The following BANK1 variants were observed in gnomAD, a reference collection of about 807,000 sequenced individuals.
The protein encoded by BANK1 is B-cell scaffold protein with ankyrin repeats.
A neutral mutation model predicts 94.5 loss-of-function variants in BANK1; 95 were observed. The observed-to-expected ratio is 1.00, with a 90% CI of 0.85 to 1.19. The LOEUF is 1.19. Among genes scored for constraint, BANK1 ranks in the 50% most tolerant of loss-of-function variants. The pLI is 0.00. For missense variants in BANK1, 987 were observed against 932.2 expected (o/e 1.06, Z -0.77); for synonymous variants, 334 against 308.4 (o/e 1.08, Z -0.87).
intron 5 of BANK1, among the ~76,000 whole-genome samples, chr4:101,871,616 A>C (rs1025314657): frequency 2.6e-5 from 4 of 152,222 alleles, no homozygotes; most frequent in African/African-American, 9.6e-5. Context: ...AACATTTGTC[A>C]AAATGGAGAG....
At chr4:101,797,416 G>A (rs1278935559) in intron 1 of BANK1, among the ~76,000 whole-genome samples, 1 of 152,114 alleles carries the variant, frequency 6.6e-6, no homozygotes, top group Non-Finnish European at 1.5e-5. Context: ...TTTAATGAGG[G>A]ATGGCACATG....
At chr4:102,016,318 T>C (rs1726697322) in intron 7 of BANK1, among the ~76,000 whole-genome samples, 1 of 152,226 alleles carries the variant, frequency 6.6e-6, no homozygotes, top group African/African-American at 2.4e-5. Flanking sequence ...GAAACCTTCA[T>C]ATGTGGGTAT....
chr4:101,979,281 ATT>A (rs1274450240), intron 7 of BANK1, among the ~76,000 whole-genome samples: 1 of 151,970 alleles, frequency 6.6e-6, no homozygotes, highest in Non-Finnish European at 1.5e-5. Context: ...AGTGTTTAAA[ATT>A]GTATAACATT....
At chr4:101,945,381 G>T (rs764614715) in intron 7 of BANK1, among the ~76,000 whole-genome samples, 1 of 151,808 alleles carries the variant, frequency 6.6e-6, no homozygotes, top group Non-Finnish European at 1.5e-5. Context: ...TCCTTGCTAT[G>T]TTCCAGGAAA....
At chr4:101,933,984 C>T (rs1723444964) in intron 7 of BANK1, among the ~76,000 whole-genome samples, 1 of 151,434 alleles carries the variant, frequency 6.6e-6, no homozygotes, top group Non-Finnish European at 1.5e-5. Context: ...ACAAAAAACC[C>T]TGGTGTCTGA....
At chr4:101,895,526 A>G in intron 6 of BANK1, 116 bp downstream of exon 6, 1 of 612,338 alleles carries the variant, frequency 1.6e-6, no homozygotes, top group Non-Finnish European at 2.8e-6. Context: ...GAGATGATTT[A>G]GACAACTCCT....
chr4:101,929,988 A>G (rs1723289599), intron 7 of BANK1, among the ~76,000 whole-genome samples: 1 of 151,408 alleles, frequency 6.6e-6, no homozygotes, highest in Non-Finnish European at 1.5e-5. Context: ...ACATCTTCAT[A>G]ACACTTCTAA....
chr4:101,862,691 A>G lies in BANK1; in HGVS notation c.763+27A>G, dbSNP rs1387987040. 10 of 1,565,294 alleles carry G rather than the reference A, an allele frequency of 6.4e-6. No individual in the cohort carries two copies. The Admixed American group carries it at 8.0e-5, about 12-fold the overall frequency. On this transcript the variant is annotated intron_variant, in intron 4 of 16. Transcript: ENST00000322953. ...TAAGAATGTTTATGATTTAATAAGC[A>G]TAAAACATTATCCTGAGTTCCTTCC...
intron 7 of BANK1, among the ~76,000 whole-genome samples, chr4:101,984,721 C>T (rs1283095833): frequency 2.6e-5 from 4 of 151,958 alleles, no homozygotes; most frequent in African/African-American, 9.7e-5. Context: ...GGAATAAATG[C>T]CATCTTCATT....
At chr4:101,797,004 T>G (rs1362006900) in intron 1 of BANK1, among the ~76,000 whole-genome samples, 3 of 152,146 alleles carry the variant, frequency 2.0e-5, no homozygotes, top group African/African-American at 7.2e-5. Flanking sequence ...ATATACAATC[T>G]CAGTGGATTA....
At chr4:101,894,209 C>T (rs13109260) in intron 5 of BANK1, among the ~76,000 whole-genome samples, 1 of 151,940 alleles carries the variant, frequency 6.6e-6, no homozygotes, top group African/African-American at 2.4e-5. Flanking sequence ...GAAGGCAGAG[C>T]TTTTTGTCAC....
chr4:102,019,072 C>T (rs1726809556), intron 7 of BANK1, among the ~76,000 whole-genome samples: 1 of 151,890 alleles, frequency 6.6e-6, no homozygotes, highest in Non-Finnish European at 1.5e-5. Flanking sequence ...CCATGCCTGG[C>T]CTGCTCTGAT....
chr4:101,999,572 G>A (rs1725993243), intron 7 of BANK1, among the ~76,000 whole-genome samples: 1 of 152,154 alleles, frequency 6.6e-6, no homozygotes, highest in Admixed American at 6.5e-5. Context: ...CATTTTCTAA[G>A]AAACTGCTTT....
chr4:101,795,144 T>A (rs746276421), intron 1 of BANK1, among the ~76,000 whole-genome samples: 1 of 152,112 alleles, frequency 6.6e-6, no homozygotes, highest in Non-Finnish European at 1.5e-5. Flanking sequence ...TGTTACAGGA[T>A]CATGTCTAAT....
intron 1 of BANK1, among the ~76,000 whole-genome samples, chr4:101,795,060 CA>C (rs1293643774): frequency 3.2e-4 from 12 of 37,772 alleles, no homozygotes; most frequent in African/African-American, 1.9e-3. Context: ...CTATATGCCT[CA>C]TTTTTTTTTT....
chr4:101,812,584 C>T (rs1172975632), intron 1 of BANK1, among the ~76,000 whole-genome samples: 6 of 151,900 alleles, frequency 3.9e-5, no homozygotes, highest in South Asian at 2.1e-4. Context: ...TGTAGAGCTT[C>T]GGTTTTTGAT....
chr4:101,853,912 G>A (rs1578358376), intron 2 of BANK1, among the ~76,000 whole-genome samples: 2 of 152,042 alleles, frequency 1.3e-5, no homozygotes, highest in South Asian at 4.1e-4. Flanking sequence ...TTGTGGTTTG[G>A]GCAATGTTCA....
At chr4:102,073,605 C>CTT in intron 15 of BANK1, 79 bp from the exon 16 acceptor site, 1 of 1,333,712 alleles carries the variant, frequency 7.5e-7, no homozygotes, top group Non-Finnish European at 1.1e-6. Context: ...GCAACTATAA[C>CTT]TTTGTCATAT....
chr4:101,813,834 C>G (rs537638434), intron 1 of BANK1: 15 of 985,086 alleles, frequency 1.5e-5, no homozygotes, highest in African/African-American at 1.7e-5. Flanking sequence ...TTCTGGCCAA[C>G]AAGGGCTGCA....
Sources: allele counts gnomAD v4.1 joint callset (sites outside exome capture counted in the v4.1 genomes callset), GRCh38; gene constraint gnomAD v4.1.1; transcripts MANE v1.5; gene names NCBI Gene and HGNC (gene_info 2026-07-23, HGNC 2026-07-21).